The following SLC2A5 variants were observed in gnomAD, a reference collection of about 807,000 sequenced individuals.
The protein encoded by SLC2A5 is solute carrier family 2 member 5, also known as solute carrier family 2, facilitated glucose transporter member 5.
Under a neutral mutation model 50.3 loss-of-function variants are expected in SLC2A5, and 56 were observed. The observed-to-expected ratio is 1.11, with a 90% CI of 0.90 to 1.39. The LOEUF (loss-of-function observed/expected upper bound fraction) is 1.39. SLC2A5 is among the 40% of genes most tolerant of loss of function. SLC2A5 has a pLI of 0.00. For synonymous variants in SLC2A5, 269 were observed against 281.9 expected, an observed-to-expected ratio of 0.95 and a Z score of 0.46; for missense variants, 566 against 650.1, an observed-to-expected ratio of 0.87 and a Z score of 1.41.
intron 3 of SLC2A5, among the ~76,000 whole-genome samples, chr1:9,053,085 A>G (rs1471521578): frequency 8.6e-6 from 1 of 116,322 alleles, no homozygotes; most frequent in African/African-American, 3.4e-5. Context: ...ATATATTAAT[A>G]TATAATATAT....
At chr1:9,065,586 G>A (rs957155469) in intron 1 of SLC2A5, among the ~76,000 whole-genome samples, 12 of 152,194 alleles carry the variant, frequency 7.9e-5, no homozygotes, top group Non-Finnish European at 4.4e-5. Context: ...ATCGTCAGCC[G>A]CTGCGGTGGT....
chr1:9,078,630 C>T (rs1212937100), intron 2 of SLC2A5, among the ~76,000 whole-genome samples: 8 of 152,168 alleles, frequency 5.3e-5, no homozygotes, highest in Admixed American at 5.2e-4. Context: ...AGTTCTTTAC[C>T]AAGAATTTAC....
At chr1:9,054,992 C>T (rs924675346) in intron 3 of SLC2A5, among the ~76,000 whole-genome samples, 1 of 152,030 alleles carries the variant, frequency 6.6e-6, no homozygotes, top group Non-Finnish European at 1.5e-5. Flanking sequence ...ATAAATTTGA[C>T]CACTTGAAGA....
upstream of SLC2A5, among the ~76,000 whole-genome samples, chr1:9,092,749 G>C (rs1005061938): frequency 6.6e-6 from 1 of 152,004 alleles, no homozygotes; most frequent in South Asian, 2.1e-4. Flanking sequence ...ATCTGATAAT[G>C]GTCCTGAATC....
upstream of SLC2A5, among the ~76,000 whole-genome samples, chr1:9,074,167 G>A (rs981442897): frequency 7.2e-5 from 11 of 152,080 alleles, no homozygotes; most frequent in Non-Finnish European, 1.2e-4. Flanking sequence ...AGTTTGAGGT[G>A]GTGGTGGAGC....
chr1:9,075,448 A>G (rs1425389822), intron 2 of SLC2A5, among the ~76,000 whole-genome samples: 1 of 152,116 alleles, frequency 6.6e-6, no homozygotes, highest in Non-Finnish European at 1.5e-5. Context: ...CCTCCTTGCA[A>G]CATATTTTCC....
At chr1:9,078,322 G>C (rs1228970958) in intron 2 of SLC2A5, among the ~76,000 whole-genome samples, 1 of 152,120 alleles carries the variant, frequency 6.6e-6, no homozygotes, top group Non-Finnish European at 1.5e-5. Context: ...TTGTGACCTT[G>C]TGCTGACTTC....
chr1:9,091,187 A>G (rs970318937), upstream of SLC2A5, among the ~76,000 whole-genome samples: 1 of 152,210 alleles, frequency 6.6e-6, no homozygotes, highest in Non-Finnish European at 1.5e-5. Context: ...ATCTTGACCA[A>G]CTACTTACTC....
upstream of SLC2A5, among the ~76,000 whole-genome samples, chr1:9,071,136 G>T (rs1424239227): frequency 6.6e-6 from 1 of 152,122 alleles, no homozygotes; most frequent in Non-Finnish European, 1.5e-5. Context: ...CCGGCCGGGC[G>T]CGGTGGCTCA....
At chr1:9,077,438 A>AAAC (rs1642298278) in intron 2 of SLC2A5, among the ~76,000 whole-genome samples, 1 of 129,048 alleles carries the variant, frequency 7.7e-6, no homozygotes, top group Admixed American at 8.1e-5. Context: ...ACAAAAAAAC[A>AAAC]AAAAAAAAAC....
At chr1:9,067,113 C>T (rs1642103187) in intron 1 of SLC2A5, among the ~76,000 whole-genome samples, 1 of 152,240 alleles carries the variant, frequency 6.6e-6, no homozygotes, top group South Asian at 2.1e-4. Context: ...ACCGCGCAGC[C>T]TCTGTAGCCT....
chr1:9,053,371 T>C (rs1641656913), intron 3 of SLC2A5, among the ~76,000 whole-genome samples: 3 of 87,522 alleles, frequency 3.4e-5, no homozygotes, highest in African/African-American at 1.4e-4. Flanking sequence ...TATATATTTA[T>C]ATATTATATA....
At position 9,040,385 on chromosome 1, in the gene SLC2A5, A is replaced by G; in HGVS notation, c.572-196T>C. Reference sequence around the variant, plus strand: ...CTGCAGCAGGGATCAGCAGCGACGCACCCCTGCGCCCATCAGACAGACCAC... The same window carrying G: ...CTGCAGCAGGGATCAGCAGCGACGCGCCCCTGCGCCCATCAGACAGACCAC... On this transcript the variant is annotated intron_variant, in intron 5 of 11. Coordinates refer to ENST00000377424, the MANE Select transcript of SLC2A5 (RefSeq NM_003039.3). This position sits in a 1 kb window ranked among gnomAD's most constrained non-coding sequence, Gnocchi z 4.3. 1.6e-6 allele frequency: 1 copy of G among 638,276 alleles called. No individual in the cohort carries two copies. The allele number at this position is 638,276 out of a possible 1,614,324, so 39.5% of individuals were successfully genotyped here. A position where few individuals can be genotyped will look rare whatever the true frequency, so the allele number is the denominator to read the frequency against.
intron 4 of SLC2A5, among the ~76,000 whole-genome samples, chr1:9,043,745 G>A (rs1000143957): frequency 6.7e-6 from 1 of 150,136 alleles, no homozygotes; most frequent in African/African-American, 2.5e-5. Flanking sequence ...TTCGAGATGC[G>A]AGTTTCGCTC....
upstream of SLC2A5, among the ~76,000 whole-genome samples, chr1:9,093,195 C>A (rs987492370): frequency 6.6e-6 from 1 of 152,116 alleles, no homozygotes; most frequent in Non-Finnish European, 1.5e-5. Flanking sequence ...AAGATCTCAG[C>A]CCTACCCCCA....
At chr1:9,062,619 C>T (rs1641974633) in intron 1 of SLC2A5, among the ~76,000 whole-genome samples, 2 of 152,062 alleles carry the variant, frequency 1.3e-5, no homozygotes, top group African/African-American at 2.4e-5. Flanking sequence ...CACCTGTAAT[C>T]CCAGCAGTTT....
chr1:9,055,175 T>C (rs770023), intron 3 of SLC2A5, among the ~76,000 whole-genome samples: 18,376 of 152,106 alleles, frequency 0.12, 1,764 homozygotes, highest in African/African-American at 0.27. Flanking sequence ...TGTGTGATCT[T>C]GGGTAAGTTA....
intron 2 of SLC2A5, 67 bp from the exon 3 acceptor site, chr1:9,057,675 G>C: frequency 7.2e-7 from 1 of 1,396,512 alleles, no homozygotes; most frequent in South Asian, 1.2e-5. Context: ...AACATTAGCT[G>C]TTAGGACACC....
intron 4 of SLC2A5, among the ~76,000 whole-genome samples, chr1:9,042,992 T>G (rs1641344612): frequency 6.6e-6 from 1 of 152,168 alleles, no homozygotes. Flanking sequence ...TTTTATAGAA[T>G]GACGTGTTGC....
Sources: gnomAD v4.1 joint callset for allele counts (sites outside exome capture counted in the v4.1 genomes callset) on GRCh38, gnomAD v4.1.1 for gene constraint, Gnocchi (gnomAD v3.1) non-coding constraint, MANE v1.5 for transcripts, NCBI Gene and HGNC (gene_info 2026-07-23, HGNC 2026-07-21) for gene names.